The following ABL2 variants were observed in gnomAD, a reference collection of about 807,000 sequenced individuals.
ABL2 encodes ABL proto-oncogene 2, non-receptor tyrosine kinase, also known as tyrosine-protein kinase ABL2.
ABL2 carries 49 observed loss-of-function variants against 107.7 expected under a neutral mutation model. The ratio of observed to expected loss-of-function variants is 0.45; its 90% CI spans 0.36 to 0.58. The LOEUF (loss-of-function observed/expected upper bound fraction) is 0.58. ABL2 is among the 20% of genes least tolerant of loss of function. ABL2 has a pLI of 0.00. For missense variants in ABL2, 1,245 were observed against 1,457.0 expected (o/e 0.85, Z 2.37); for synonymous variants, 549 against 548.6 (o/e 1.00, Z -0.01).
At chr1:179,140,142 C>T (rs1657441520) in intron 1 of ABL2, among the ~76,000 whole-genome samples, 1 of 152,208 alleles carries the variant, frequency 6.6e-6, no homozygotes, top group Non-Finnish European at 1.5e-5. Flanking sequence ...AGCTAAAATC[C>T]TTAAAGGCCC....
intron 1 of ABL2, among the ~76,000 whole-genome samples, chr1:179,187,635 G>A (rs1660747825): frequency 6.6e-6 from 1 of 152,166 alleles, no homozygotes; most frequent in Non-Finnish European, 1.5e-5. Flanking sequence ...GAGTTTAACT[G>A]TAATTCCTAA....
In ABL2 at chr1:179,181,181, T is replaced by C. The variant is rs112681378; in HGVS notation, c.158-47807A>G. Among the ~76,000 whole-genome samples the C allele has an allele frequency of 3.0e-3, 454 of 152,340 alleles. 1 individual carries two copies. The highest frequency in any genetic ancestry group is 0.011 in the African/African-American group (439 of 41,580). ...ACGGAGTTTAAACAAAACTATCATA[T>C]TTAAGCCTCTAATATATGTGTGTTT... On this transcript the variant is annotated intron_variant, in intron 1 of 11. Transcript: ENST00000502732.
chr1:179,111,660 TATG>T (rs1231328906), intron 10 of ABL2, among the ~76,000 whole-genome samples: 1 of 152,212 alleles, frequency 6.6e-6, no homozygotes, highest in African/African-American at 2.4e-5. Context: ...TGTATTTCTC[TATG>T]ATGAGTAATG....
At position 179,126,960 on chromosome 1, in the gene ABL2, C is replaced by G. The variant is rs1169537059; in HGVS notation, c.392-288G>C. 3.3e-5 allele frequency among the ~76,000 whole-genome samples: 5 copies of G among 152,042 alleles called. No individual in the cohort carries two copies. Among genetic ancestry groups the G allele is most frequent in the African/African-American group, 1.2e-4 (5 of 41,384 alleles). On this transcript the variant is annotated intron_variant, in intron 3 of 11. Coordinates refer to ENST00000502732, the MANE Select transcript of ABL2 (RefSeq NM_007314.4). The surrounding 1 kb of genome is among the most constrained non-coding windows in gnomAD (Gnocchi z 4.4). Reference sequence around the variant, plus strand: ...ACTTAAAAAATATCCTTAAGAAATTCTATGTATGCCAGACAGGTTACTAAA... The same window carrying G: ...ACTTAAAAAATATCCTTAAGAAATTGTATGTATGCCAGACAGGTTACTAAA...
intron 1 of ABL2, chr1:179,137,743 G>A (rs956956105): frequency 6.6e-6 from 1 of 152,182 alleles, no homozygotes; most frequent in Non-Finnish European, 1.5e-5. Flanking sequence ...TGATCACCCT[G>A]AGGGTGAGGA....
chr1:179,153,701 A>C (rs1425310715), intron 1 of ABL2, among the ~76,000 whole-genome samples: 1 of 152,100 alleles, frequency 6.6e-6, no homozygotes, highest in Non-Finnish European at 1.5e-5. Flanking sequence ...TATTTTTGCT[A>C]TGAGAGGTAA....
At chr1:179,109,533 A>C in intron 11 of ABL2, 92 bp from the exon 12 acceptor site, 1 of 1,507,440 alleles carries the variant, frequency 6.6e-7, no homozygotes, top group Non-Finnish European at 8.8e-7. Flanking sequence ...TTTTGTCAGC[A>C]TTTATCAAAG....
chr1:179,149,023 G>A lies in ABL2; in HGVS notation c.158-15649C>T, dbSNP rs138093736. On this transcript the variant is annotated intron_variant, in intron 1 of 11. Coordinates refer to ENST00000502732, the MANE Select transcript of ABL2 (RefSeq NM_007314.4). Reference sequence around the variant, plus strand: ...AAACCAAAAAGTAGAAATAAGTTCAGTGGGCAAGAATGTCAAAAGTTGAGA... The same window carrying A: ...AAACCAAAAAGTAGAAATAAGTTCAATGGGCAAGAATGTCAAAAGTTGAGA... Among the ~76,000 whole-genome samples the A allele has an allele frequency of 7.9e-3, 1,195 of 152,174 alleles. 10 individuals carry two copies. Among genetic ancestry groups the A allele is most frequent in the African/African-American group, 0.027 (1,104 of 41,494 alleles).
intron 1 of ABL2, among the ~76,000 whole-genome samples, chr1:179,188,067 T>C (rs1405734040): frequency 6.6e-6 from 1 of 152,352 alleles, no homozygotes; most frequent in Non-Finnish European, 1.5e-5. Context: ...CCAGCCAGTC[T>C]AGCCTCTTCT....
At chr1:179,194,319 G>A (rs923689348) in intron 1 of ABL2, among the ~76,000 whole-genome samples, 16 of 152,160 alleles carry the variant, frequency 1.1e-4, no homozygotes, top group Non-Finnish European at 2.1e-4. Context: ...GTTTCCTAAC[G>A]GGCAAAGGAA....
intron 1 of ABL2, among the ~76,000 whole-genome samples, chr1:179,148,607 G>T (rs1448956250): frequency 6.6e-6 from 1 of 152,090 alleles, no homozygotes; most frequent in African/African-American, 2.4e-5. Context: ...CAACAATACT[G>T]AAATTAGGCC....
chr1:179,186,244 T>TA (rs1016740086), intron 1 of ABL2, among the ~76,000 whole-genome samples: 33 of 149,776 alleles, frequency 2.2e-4, no homozygotes, highest in South Asian at 6.3e-4. Context: ...GACGCTGTCT[T>TA]AAAAAAAAAA....
intron 1 of ABL2, among the ~76,000 whole-genome samples, chr1:179,152,145 G>A (rs6668200): frequency 0.13 from 19,409 of 152,064 alleles, 1,495 homozygotes; most frequent in African/African-American, 0.21. Context: ...CTTCAAACCA[G>A]TACCAAATGT....
chr1:179,105,992 A>G lies in ABL2; in HGVS notation c.*1726T>C, dbSNP rs1201158664. On this transcript the variant is annotated 3_prime_UTR_variant, in exon 12 of 12. Coordinates refer to ENST00000502732, the MANE Select transcript of ABL2 (RefSeq NM_007314.4). The stretch of plus-strand genomic sequence containing the variant: ...CTTGAGAACATGTACTGTTACCTTA[A>G]TTAAATAGATTAAGAGATGAGGCTG... 1 of 220,952 alleles carries G rather than the reference A, an allele frequency of 4.5e-6. No individual in the cohort carries two copies. The highest frequency in any genetic ancestry group is 6.6e-5 in the East Asian group (1 of 15,122). 13.7% of individuals were successfully genotyped at this position (220,952 alleles called of 1,614,324 possible). A position where few individuals can be genotyped will look rare whatever the true frequency, so the allele number is the denominator to read the frequency against.
intron 1 of ABL2, among the ~76,000 whole-genome samples, chr1:179,156,254 A>T (rs1658681582): frequency 6.6e-6 from 1 of 152,180 alleles, no homozygotes; most frequent in South Asian, 2.1e-4. Context: ...TACTGGCTGA[A>T]CTCAAACTGC....
chr1:179,118,838 A>T, intron 6 of ABL2, 74 bp from the exon 7 acceptor site: 1 of 1,503,004 alleles, frequency 6.7e-7, no homozygotes, highest in East Asian at 2.3e-5. Flanking sequence ...GCCAAGAATA[A>T]TTTGACAATT....
chr1:179,179,068 A>C (rs1241953247), intron 1 of ABL2, among the ~76,000 whole-genome samples: 1 of 152,250 alleles, frequency 6.6e-6, no homozygotes, highest in Non-Finnish European at 1.5e-5. Flanking sequence ...ATTAGGAAAC[A>C]CAACTACATT....
chr1:179,122,712 G>T (rs986572889), intron 4 of ABL2, among the ~76,000 whole-genome samples: 1 of 151,818 alleles, frequency 6.6e-6, no homozygotes, highest in Non-Finnish European at 1.5e-5. Flanking sequence ...GGAGTGCAGT[G>T]TCATGACCTC....
intron 2 of ABL2, among the ~76,000 whole-genome samples, 192 bp downstream of exon 2, chr1:179,133,120 G>T (rs1198750397): frequency 2.0e-5 from 3 of 152,106 alleles, no homozygotes; most frequent in Non-Finnish European, 4.4e-5. Context: ...GCCTCCCAAA[G>T]TGCTGGGATT....
Sources: allele counts gnomAD v4.1 joint callset (sites outside exome capture counted in the v4.1 genomes callset), GRCh38; gene constraint gnomAD v4.1.1; non-coding constraint Gnocchi (gnomAD v3.1); transcripts MANE v1.5; gene names NCBI Gene and HGNC (gene_info 2026-07-23, HGNC 2026-07-21).